The following HDAC4 variants were observed in gnomAD, a reference collection of about 807,000 sequenced individuals.
HDAC4 encodes the protein histone deacetylase A.
HDAC4 carries 16 observed loss-of-function variants against 135.1 expected under a neutral mutation model. The observed-to-expected ratio is 0.12, with a 90% CI of 0.08 to 0.18. The LOEUF is 0.18. HDAC4 is among the 10% of genes least tolerant of loss of function. HDAC4 has a pLI of 1.00. For missense variants in HDAC4, 1,143 were observed against 1,511.8 expected (o/e 0.76, Z 4.05); for synonymous variants, 685 against 653.4 (o/e 1.05, Z -0.74).
At chr2:239,259,829 C>G (rs573650547) in intron 2 of HDAC4, among the ~76,000 whole-genome samples, 1 of 152,346 alleles carries the variant, frequency 6.6e-6, no homozygotes, top group East Asian at 1.9e-4. Context: ...GCGTGAGCCC[C>G]AGTCCCTAGA....
At chr2:239,131,606 G>T (rs1472273395) in intron 11 of HDAC4, among the ~76,000 whole-genome samples, 1 of 152,212 alleles carries the variant, frequency 6.6e-6, no homozygotes, top group South Asian at 2.1e-4. Flanking sequence ...GCTGGCTGCG[G>T]TCTGGTCCAG....
intron 2 of HDAC4, among the ~76,000 whole-genome samples, chr2:239,325,245 T>G (rs2053435643): frequency 6.6e-6 from 1 of 152,134 alleles, no homozygotes; most frequent in Non-Finnish European, 1.5e-5. Context: ...CTGCACTTCA[T>G]CAAAATGAAA....
At chr2:239,371,615 ACACT>A (rs772674330) in intron 1 of HDAC4, among the ~76,000 whole-genome samples, 6 of 152,156 alleles carry the variant, frequency 3.9e-5, no homozygotes, top group African/African-American at 1.2e-4. Flanking sequence ...TCACACATTC[ACACT>A]CACAAATACA....
intron 1 of HDAC4, among the ~76,000 whole-genome samples, chr2:239,360,224 A>T (rs952428349): frequency 6.6e-6 from 1 of 152,188 alleles, no homozygotes; most frequent in Non-Finnish European, 1.5e-5. Flanking sequence ...ATGTGGGACC[A>T]ATGGGAATGA....
intron 11 of HDAC4, among the ~76,000 whole-genome samples, chr2:239,133,519 T>C (rs932137929): frequency 1.3e-5 from 2 of 152,186 alleles, no homozygotes; most frequent in Non-Finnish European, 2.9e-5. Context: ...CAGGCTGGAG[T>C]GCAGTGCCAC....
intron 4 of HDAC4, among the ~76,000 whole-genome samples, chr2:239,183,533 C>T (rs1340425082): frequency 1.3e-5 from 2 of 152,218 alleles, no homozygotes; most frequent in African/African-American, 4.8e-5. Context: ...TGTGTGCCCA[C>T]GTGCCCTATG....
At chr2:239,070,940 T>C in intron 22 of HDAC4, among the ~76,000 whole-genome samples, 1 of 152,046 alleles carries the variant, frequency 6.6e-6, no homozygotes, top group African/African-American at 2.4e-5. Flanking sequence ...TTTTTTTTTT[T>C]TTTTTACATT....
intron 16 of HDAC4, among the ~76,000 whole-genome samples, chr2:239,101,370 G>A (rs117539493): frequency 1.3e-5 from 2 of 152,216 alleles, no homozygotes; most frequent in Non-Finnish European, 2.9e-5. Context: ...GGATGAAGGC[G>A]TGAGCGAGTG....
At chr2:239,267,029 G>A (rs1050592476) in intron 2 of HDAC4, among the ~76,000 whole-genome samples, 2 of 152,176 alleles carry the variant, frequency 1.3e-5, no homozygotes, top group African/African-American at 4.8e-5. Flanking sequence ...CACAGCTGGT[G>A]CTCACAGCTG....
chr2:239,131,065 G>A (rs745328110), intron 11 of HDAC4, among the ~76,000 whole-genome samples: 31 of 152,268 alleles, frequency 2.0e-4, no homozygotes, highest in Non-Finnish European at 1.8e-4. Flanking sequence ...AAAGATCTGA[G>A]TCCACAGTGA....
At chr2:239,275,407 T>G (rs1318894894) in intron 2 of HDAC4, among the ~76,000 whole-genome samples, 1 of 152,228 alleles carries the variant, frequency 6.6e-6, no homozygotes, top group African/African-American at 2.4e-5. Flanking sequence ...CCAGACTTGC[T>G]GATTCACCAA....
intron 24 of HDAC4, among the ~76,000 whole-genome samples, chr2:239,056,499 A>G (rs981811832): frequency 2.0e-5 from 3 of 152,260 alleles, no homozygotes; most frequent in African/African-American, 4.8e-5. Context: ...CCAGCTGGGC[A>G]GCAAAATCAA....
chr2:239,340,182 C>G (rs1025254063), intron 2 of HDAC4, among the ~76,000 whole-genome samples: 1 of 152,180 alleles, frequency 6.6e-6, no homozygotes, highest in Non-Finnish European at 1.5e-5. Flanking sequence ...TGAGCCTCAG[C>G]TACACCAAGC....
At chr2:239,149,360 G>A (rs186725663) in intron 7 of HDAC4, among the ~76,000 whole-genome samples, 39 of 148,464 alleles carry the variant, frequency 2.6e-4, no homozygotes, top group Admixed American at 8.2e-4. Flanking sequence ...GCGACAGAGC[G>A]ACGTTCCGTT....
chr2:239,378,144 C>G (rs573140981), intron 1 of HDAC4, among the ~76,000 whole-genome samples: 1 of 152,256 alleles, frequency 6.6e-6, no homozygotes, highest in East Asian at 1.9e-4. Context: ...ATGCCCTGTG[C>G]ACATAGATCT....
intron 2 of HDAC4, among the ~76,000 whole-genome samples, chr2:239,278,077 C>T (rs978681615): frequency 1.4e-5 from 2 of 139,168 alleles, no homozygotes; most frequent in Non-Finnish European, 3.1e-5. Flanking sequence ...CTCGGCTCCC[C>T]GCTGGTGGAG....
chr2:239,149,867 G>C (rs2042002542), intron 7 of HDAC4, among the ~76,000 whole-genome samples: 1 of 151,966 alleles, frequency 6.6e-6, no homozygotes, highest in Non-Finnish European at 1.5e-5. Context: ...AGGGGGTGGG[G>C]AAAATGGACT....
chr2:239,136,712 T>A (rs772821583), intron 9 of HDAC4, among the ~76,000 whole-genome samples: 14 of 152,146 alleles, frequency 9.2e-5, no homozygotes, highest in Admixed American at 2.6e-4. Flanking sequence ...GCAGCCAGTA[T>A]AAAAGTGGGC....
intron 5 of HDAC4, among the ~76,000 whole-genome samples, chr2:239,175,787 T>G (rs1282375596): frequency 6.6e-6 from 1 of 152,252 alleles, no homozygotes; most frequent in Non-Finnish European, 1.5e-5. Context: ...CTTTATGGCT[T>G]TTAATATTTT....
Sources: allele counts gnomAD v4.1 joint callset (sites outside exome capture counted in the v4.1 genomes callset), GRCh38; gene constraint gnomAD v4.1.1; transcripts MANE v1.5; gene names NCBI Gene and HGNC (gene_info 2026-07-23, HGNC 2026-07-21).